The following SLIT2 variants were observed in gnomAD, a reference collection of about 807,000 sequenced individuals.
The protein encoded by SLIT2 is slit guidance ligand 2, also known as slit homolog 2 protein.
A neutral mutation model predicts 185.7 loss-of-function variants in SLIT2; 41 were observed. That is an observed-to-expected ratio of 0.22 (90% CI 0.17 to 0.29). The LOEUF is 0.29. Ranked by LOEUF, SLIT2 falls within the 10% of genes least tolerant of loss-of-function variation. SLIT2 has a pLI of 1.00. For missense variants in SLIT2, 1,571 were observed against 1,909.0 expected (o/e 0.82, Z 3.30); for synonymous variants, 693 against 680.2 (o/e 1.02, Z -0.29).
At chr4:20,585,140 C>T (rs939699202) in intron 29 of SLIT2, among the ~76,000 whole-genome samples, 12 of 151,342 alleles carry the variant, frequency 7.9e-5, no homozygotes, top group Non-Finnish European at 1.6e-4. Flanking sequence ...AGCACTTTTT[C>T]TTAAGAAAGT....
chr4:20,428,998 T>C (rs1728762398), intron 4 of SLIT2, among the ~76,000 whole-genome samples: 1 of 152,158 alleles, frequency 6.6e-6, no homozygotes. Context: ...CTTTGTGTCT[T>C]AGGAAGTAAG....
chr4:20,516,104 T>C (rs1441338771), intron 11 of SLIT2, among the ~76,000 whole-genome samples: 1 of 152,214 alleles, frequency 6.6e-6, no homozygotes, highest in African/African-American at 2.4e-5. Flanking sequence ...CGTGAGCCAC[T>C]GCGCCTGGCC....
intron 4 of SLIT2, among the ~76,000 whole-genome samples, chr4:20,450,973 A>G (rs1179504145): frequency 4.6e-5 from 7 of 152,224 alleles, no homozygotes; most frequent in Non-Finnish European, 2.9e-5. Context: ...ATCTTACAAC[A>G]AATGACAATA....
chr4:20,443,045 T>G (rs1168819961), intron 4 of SLIT2, among the ~76,000 whole-genome samples: 2 of 152,210 alleles, frequency 1.3e-5, no homozygotes, highest in African/African-American at 4.8e-5. Context: ...AGAATTTTGT[T>G]TCTCATAGGT....
intron 4 of SLIT2, among the ~76,000 whole-genome samples, chr4:20,278,742 G>C (rs975922634): frequency 7.0e-6 from 1 of 142,604 alleles, no homozygotes; most frequent in African/African-American, 2.6e-5. Flanking sequence ...TAATAGCCAG[G>C]GTATTCTAAA....
chr4:20,358,013 GT>G (rs1458597911), intron 4 of SLIT2, among the ~76,000 whole-genome samples: 2 of 152,072 alleles, frequency 1.3e-5, no homozygotes, highest in East Asian at 1.9e-4. Context: ...GCATTTTATG[GT>G]TATTTATAAC....
At chr4:20,275,801 C>A (rs1056451187) in intron 4 of SLIT2, among the ~76,000 whole-genome samples, 6 of 152,068 alleles carry the variant, frequency 3.9e-5, no homozygotes, top group African/African-American at 1.2e-4. Context: ...AACAAAAAGA[C>A]TGTGACTCAG....
intron 4 of SLIT2, among the ~76,000 whole-genome samples, chr4:20,273,924 CT>C (rs1368443429): frequency 6.6e-6 from 1 of 152,178 alleles, no homozygotes; most frequent in Non-Finnish European, 1.5e-5. Context: ...ATAAATCCGA[CT>C]GTGATTGTGC....
chr4:20,331,158 A>G (rs948683695), intron 4 of SLIT2, among the ~76,000 whole-genome samples: 7 of 152,170 alleles, frequency 4.6e-5, no homozygotes, highest in Non-Finnish European at 7.4e-5. Flanking sequence ...GATACTAGAC[A>G]TGCCTTTTTG....
chr4:20,520,133 C>G (rs542310122), intron 12 of SLIT2, among the ~76,000 whole-genome samples: 1 of 150,356 alleles, frequency 6.7e-6, no homozygotes, highest in South Asian at 2.1e-4. Context: ...TTTCCTCAAA[C>G]GGATGGTGTG....
intron 4 of SLIT2, among the ~76,000 whole-genome samples, chr4:20,454,703 T>A (rs1388669960): frequency 6.6e-6 from 1 of 152,198 alleles, no homozygotes; most frequent in African/African-American, 2.4e-5. Flanking sequence ...GTTTAGACAC[T>A]TTCACATAAA....
At chr4:20,463,390 T>C (rs1713933097) in intron 4 of SLIT2, among the ~76,000 whole-genome samples, 1 of 147,430 alleles carries the variant, frequency 6.8e-6, no homozygotes, top group Admixed American at 6.8e-5. Flanking sequence ...TGATTATCTT[T>C]CTCAGATACC....
At position 20,473,243 on chromosome 4, in the gene SLIT2, C is replaced by T. The variant is rs965534180; in HGVS notation, c.467+5420C>T. Among the ~76,000 whole-genome samples, 5 of 144,388 alleles carry T rather than the reference C, an allele frequency of 3.5e-5. No individual in the cohort carries two copies. The South Asian group carries it at 6.4e-4, about 19-fold the overall frequency. 94.7% of individuals were successfully genotyped at this position (144,388 alleles called of 152,430 possible). Reference sequence around the variant, plus strand: ...GCTTGCATTATCTCAATTCCATTAACCCTATGTCTGTCATGAGTCTTATAA... The same window carrying T: ...GCTTGCATTATCTCAATTCCATTAATCCTATGTCTGTCATGAGTCTTATAA... On this transcript the variant is annotated intron_variant, in intron 5 of 36. Coordinates refer to ENST00000504154, the MANE Select transcript of SLIT2 (RefSeq NM_004787.4).
chr4:20,345,405 A>G (rs1040938559), intron 4 of SLIT2, among the ~76,000 whole-genome samples: 3 of 151,840 alleles, frequency 2.0e-5, no homozygotes, highest in South Asian at 2.1e-4. Context: ...CCAGCATCCT[A>G]TTGCACACTT....
chr4:20,477,183 CGA>C (rs1305952242), intron 5 of SLIT2, among the ~76,000 whole-genome samples: 3 of 148,980 alleles, frequency 2.0e-5, no homozygotes. Flanking sequence ...ATGTTAATAC[CGA>C]GAGATCATGA....
intron 22 of SLIT2, among the ~76,000 whole-genome samples, chr4:20,546,647 A>T (rs2148885798): frequency 6.6e-6 from 1 of 152,202 alleles, no homozygotes. Flanking sequence ...TTTTGAGTAT[A>T]AATTTCAAAA....
At chr4:20,497,710 A>G (rs1473604733) in intron 9 of SLIT2, among the ~76,000 whole-genome samples, 1 of 152,148 alleles carries the variant, frequency 6.6e-6, no homozygotes, top group Non-Finnish European at 1.5e-5. Context: ...AAACTCTCCT[A>G]TTAAACTGCA....
chr4:20,459,593 A>G (rs1470087808), intron 4 of SLIT2, among the ~76,000 whole-genome samples: 7 of 152,184 alleles, frequency 4.6e-5, no homozygotes, highest in South Asian at 2.1e-4. Flanking sequence ...ACCATGATAC[A>G]AAGACTTTAA....
chr4:20,603,936 A>T (rs1197167208), intron 33 of SLIT2, among the ~76,000 whole-genome samples: 1 of 152,216 alleles, frequency 6.6e-6, no homozygotes, highest in African/African-American at 2.4e-5. Context: ...CCATATGGAA[A>T]GTTCCCCCTG....
Sources: allele counts gnomAD v4.1 joint callset (sites outside exome capture counted in the v4.1 genomes callset), GRCh38; gene constraint gnomAD v4.1.1; transcripts MANE v1.5; gene names NCBI Gene and HGNC (gene_info 2026-07-23, HGNC 2026-07-21).